Variants in MRPL45 observed in about 807,000 individuals in gnomAD.
The protein encoded by MRPL45 is mitochondrial ribosomal protein L45.
MRPL45 carries 20 observed loss-of-function variants against 38.1 expected under a neutral mutation model. That is an observed-to-expected ratio of 0.53 (90% CI 0.37 to 0.76). The LOEUF (loss-of-function observed/expected upper bound fraction) is 0.76, where lower values mean the gene tolerates loss of function less well. Ranked by LOEUF, MRPL45 falls within the 30% of genes least tolerant of loss-of-function variation. MRPL45 has a pLI of 0.00. For missense variants in MRPL45, 337 were observed against 395.6 expected (o/e 0.85, Z 1.26); for synonymous variants, 105 against 128.8 (o/e 0.82, Z 1.25).
Position 38,322,170 on chromosome 17 carries a change from G to A in MRPL45, c.705G>A (p.Gln235=). The A allele has an allele frequency of 6.2e-7, 1 of 1,614,204 alleles. No individual in the cohort carries two copies. The highest frequency in any genetic ancestry group is 8.5e-7 in the Non-Finnish European group (1 of 1,180,034). The change falls in exon 7 of 8, where the codon CAG becomes CAA. Residue 235 remains glutamine (Q), a synonymous_variant. Coordinates refer to ENST00000613675, the MANE Select transcript of MRPL45 (RefSeq NM_032351.6). ...YDRFGRLMYG[Q]EDVPKDVLEY... ...GGTTTGGCCGGTTGATGTATGGACA[G>A]GAAGATGTACCCAAGGATGTCCTGG...
intron 3 of MRPL45, among the ~76,000 whole-genome samples, chr17:38,305,770 G>T (rs368594390): frequency 1.2e-4 from 18 of 151,694 alleles, no homozygotes; most frequent in African/African-American, 4.4e-4. Context: ...AGCCTCCGGA[G>T]TAGCTGGGAT....
At position 38,311,502 on chromosome 17, in the gene MRPL45, A is replaced by G. The variant is rs186262927; in HGVS notation, c.461+4871A>G. Among the ~76,000 whole-genome samples, 283 of 152,196 alleles carry G rather than the reference A, an allele frequency of 1.9e-3. 2 individuals carry two copies. The highest frequency in any genetic ancestry group is 6.6e-3 in the African/African-American group (275 of 41,516). ...AGAGATCGAGACCATCCTGGCCAAC[A>G]TGGTGAAACCCCATCTCTACTAAAA... On this transcript the variant is annotated intron_variant, in intron 4 of 7. Coordinates refer to ENST00000613675, the MANE Select transcript of MRPL45 (RefSeq NM_032351.6).
intron 4 of MRPL45, among the ~76,000 whole-genome samples, chr17:38,317,956 G>A (rs945345925): frequency 8.6e-5 from 13 of 151,886 alleles, no homozygotes; most frequent in African/African-American, 2.9e-4. Flanking sequence ...AGAGAAAATA[G>A]ACCAGGAAAG....
chr17:38,300,656 G>T (rs1567712474), intron 3 of MRPL45, among the ~76,000 whole-genome samples: 1 of 151,952 alleles, frequency 6.6e-6, no homozygotes, highest in Non-Finnish European at 1.5e-5. Context: ...TCTACATATA[G>T]ATTTTATTGG....
intron 4 of MRPL45, among the ~76,000 whole-genome samples, chr17:38,313,333 C>CGTGTAT (rs1230995888): frequency 5.8e-5 from 1 of 17,266 alleles, no homozygotes; most frequent in African/African-American, 2.3e-4. Context: ...TATATATATA[C>CGTGTAT]ATATATATAT....
chr17:38,322,219 T>C lies in MRPL45; in HGVS notation c.754T>C (p.Leu252=), dbSNP rs1330321026. 1.2e-6 allele frequency: 2 copies of C among 1,614,066 alleles called. No homozygotes were observed. The highest frequency in any genetic ancestry group is 1.7e-6 in the Non-Finnish European group (2 of 1,180,000). ...GGAGTATGTTGTATTCGAAAAGCAG[T>C]TGACAAACCCCTATGGAAGCTGGAG... is the stretch of plus-strand genomic sequence containing the variant. ...VLEYVVFEKQ[L]TNPYGSWRMH... is the part of the protein sequence containing the mutation. The change falls in exon 7 of 8, where the codon TTG becomes CTG. Residue 252 remains leucine, a synonymous_variant. Coordinates refer to ENST00000613675, the MANE Select transcript of MRPL45 (RefSeq NM_032351.6).
At chr17:38,320,902 G>A (rs1480782066) in intron 6 of MRPL45, 135 bp downstream of exon 6, 14 of 819,438 alleles carry the variant, frequency 1.7e-5, no homozygotes, top group Non-Finnish European at 5.9e-6. Context: ...CTTCCTTGCT[G>A]TGCCGCTGTC....
At chr17:38,300,763 A>G (rs1598970272) in intron 3 of MRPL45, among the ~76,000 whole-genome samples, 1 of 152,068 alleles carries the variant, frequency 6.6e-6, no homozygotes, top group Non-Finnish European at 1.5e-5. Context: ...CCCGACCAAC[A>G]TGGAGAAACC....
chr17:38,309,098 G>A (rs536906623), intron 4 of MRPL45, among the ~76,000 whole-genome samples: 2,336 of 150,272 alleles, frequency 0.016, 51 homozygotes, highest in African/African-American at 0.053. Flanking sequence ...GTAGAGACAG[G>A]GTTTCACCAT....
At position 38,322,246 on chromosome 17, in the gene MRPL45, A is replaced by T. The variant is rs879152708; in HGVS notation, c.781A>T (p.Met261Leu). 1 of 1,614,142 alleles carries T rather than the reference A, an allele frequency of 6.2e-7. No individual in the cohort carries two copies. Among genetic ancestry groups the T allele is most frequent in the South Asian group, 1.1e-5 (1 of 91,080 alleles). Residue 261 changes from methionine (M) to leucine (L), a missense_variant, in exon 7 of 8, where the codon ATG becomes TTG. Transcript: ENST00000613675. Reference sequence around the variant, plus strand: ...GACAAACCCCTATGGAAGCTGGAGAATGCATACCAAGATCGTTCCCCCATG... The same window carrying T: ...GACAAACCCCTATGGAAGCTGGAGATTGCATACCAAGATCGTTCCCCCATG... ...QLTNPYGSWR[M>L]HTKIVPPWAP...
chr17:38,317,579 TG>T (rs1453928513), intron 4 of MRPL45, among the ~76,000 whole-genome samples: 2 of 151,910 alleles, frequency 1.3e-5, no homozygotes, highest in Non-Finnish European at 2.9e-5. Flanking sequence ...TGTTTTGTTT[TG>T]TTTTTTTTTG....
At chr17:38,318,081 A>C (rs1567718146) in intron 4 of MRPL45, among the ~76,000 whole-genome samples, 1 of 151,526 alleles carries the variant, frequency 6.6e-6, no homozygotes, top group Non-Finnish European at 1.5e-5. Context: ...CATGACGTGC[A>C]CTTGTAGTCC....
chr17:38,302,116 C>CAAAAA (rs67699213), intron 3 of MRPL45, among the ~76,000 whole-genome samples: 27 of 75,556 alleles, frequency 3.6e-4, no homozygotes, highest in African/African-American at 4.8e-4. Context: ...GACTCCGTCT[C>CAAAAA]AAAAAAAAAA....
chr17:38,302,116 CAA>C (rs67699213), intron 3 of MRPL45, among the ~76,000 whole-genome samples: 17 of 75,574 alleles, frequency 2.2e-4, no homozygotes, highest in African/African-American at 8.6e-4. Context: ...GACTCCGTCT[CAA>C]AAAAAAAAAA....
At chr17:38,317,135 T>C (rs923525068) in intron 4 of MRPL45, among the ~76,000 whole-genome samples, 2 of 152,120 alleles carry the variant, frequency 1.3e-5, no homozygotes, top group Non-Finnish European at 2.9e-5. Flanking sequence ...GTAGAAGTAG[T>C]ATTACATTAT....
At chr17:38,319,856 G>A (rs1004849636) in intron 5 of MRPL45, among the ~76,000 whole-genome samples, 8 of 152,074 alleles carry the variant, frequency 5.3e-5, no homozygotes, top group African/African-American at 1.2e-4. Context: ...TAACCCCAGC[G>A]CTTTGGGAGG....
rs78974899 is a variant in MRPL45 at position 38,322,289 on chromosome 17, C to T, written c.824C>T (p.Pro275Leu). ...CCCCCATGGGCACCCCCTAAGCAGC[C>T]CATCCTTAAGGTAAGGTGGCTTGCA... ...IVPPWAPPKQ[P>L]ILKTVMIPGP... The change falls in exon 7 of 8, where the codon CCC (proline) becomes CTC (leucine). Residue 275 changes from proline to leucine, a missense_variant. Pro to Leu is a moderately conservative substitution (Grantham distance 98). Coordinates refer to ENST00000613675, the MANE Select transcript of MRPL45 (RefSeq NM_032351.6). The T allele has an allele frequency of 6.8e-6, 11 of 1,613,890 alleles. No homozygotes were observed. The East Asian group carries it at 2.2e-4, about 33-fold the overall frequency.
At chr17:38,318,827 CT>C (rs71138606) in intron 5 of MRPL45, 92 bp downstream of exon 5, 1,534 of 119,976 alleles carry the variant, frequency 0.013, no homozygotes, top group East Asian at 0.12. Context: ...CTTTTCTTTT[CT>C]TTTTTTTTTT....
chr17:38,321,485 G>C (rs2037228880), intron 6 of MRPL45, among the ~76,000 whole-genome samples: 1 of 152,066 alleles, frequency 6.6e-6, no homozygotes, highest in African/African-American at 2.4e-5. Context: ...AAGGTCAGGA[G>C]TTCAAGACCA....
Sources: gnomAD v4.1 joint callset for allele counts (sites outside exome capture counted in the v4.1 genomes callset) on GRCh38, gnomAD v4.1.1 for gene constraint, MANE v1.5 for transcripts, NCBI Gene and HGNC (gene_info 2026-07-23, HGNC 2026-07-21) for gene names.